Variants in CDH19 observed in about 807,000 individuals in gnomAD.
CDH19 encodes cadherin-19.
CDH19 carries 67 observed loss-of-function variants against 64.2 expected under a neutral mutation model. That is an observed-to-expected ratio of 1.04 (90% CI 0.86 to 1.28). CDH19 has a LOEUF of 1.28. CDH19 is among the 50% of genes most tolerant of loss of function. The pLI, the probability that CDH19 is intolerant of heterozygous loss-of-function variation, is 0.00. For missense variants in CDH19, 1,030 were observed against 929.0 expected, an observed-to-expected ratio of 1.11 and a Z score of -1.41; for synonymous variants, 346 against 319.3, an observed-to-expected ratio of 1.08 and a Z score of -0.89.
intron 7 of CDH19, among the ~76,000 whole-genome samples, chr18:66,539,553 C>T (rs511412): frequency 6.6e-6 from 1 of 151,800 alleles, no homozygotes; most frequent in Non-Finnish European, 1.5e-5. Context: ...TTTTTAATCT[C>T]TCAATATGGT....
intron 1 of CDH19, among the ~76,000 whole-genome samples, chr18:66,579,472 C>T (rs780816897): frequency 1.3e-4 from 19 of 151,960 alleles, no homozygotes; most frequent in Admixed American, 1.3e-4. Flanking sequence ...ACTACAGATG[C>T]GAAATCTTGA....
chr18:66,541,039 C>T (rs1986867304), intron 7 of CDH19, among the ~76,000 whole-genome samples: 1 of 151,986 alleles, frequency 6.6e-6, no homozygotes, highest in Non-Finnish European at 1.5e-5. Flanking sequence ...TTCTGTGCCC[C>T]ATTTTTTAAA....
At chr18:66,516,568 T>C (rs1436427454) in intron 9 of CDH19, among the ~76,000 whole-genome samples, 1 of 152,058 alleles carries the variant, frequency 6.6e-6, no homozygotes, top group African/African-American at 2.4e-5. Flanking sequence ...TTTTCACCAT[T>C]TTCAAGAGGG....
chr18:66,511,248 G>A (rs1465280505), intron 10 of CDH19, among the ~76,000 whole-genome samples: 4 of 151,658 alleles, frequency 2.6e-5, no homozygotes, highest in African/African-American at 7.3e-5. Context: ...TGAAGTCTGA[G>A]TTAGATGAGA....
intron 1 of CDH19, among the ~76,000 whole-genome samples, chr18:66,602,533 A>G (rs1989062313): frequency 6.6e-6 from 1 of 151,958 alleles, no homozygotes; most frequent in African/African-American, 2.4e-5. Context: ...AAAAAATATA[A>G]GTAGAAGACA....
chr18:66,593,135 C>G (rs1446072700), intron 1 of CDH19, among the ~76,000 whole-genome samples: 1 of 151,716 alleles, frequency 6.6e-6, no homozygotes, highest in Non-Finnish European at 1.5e-5. Context: ...TTTTGATTTG[C>G]ATTTCCCTGA....
chr18:66,524,610 G>A (rs1252483100), intron 9 of CDH19, among the ~76,000 whole-genome samples: 1 of 141,326 alleles, frequency 7.1e-6, no homozygotes, highest in Non-Finnish European at 1.5e-5. Context: ...ATCTGTATTT[G>A]TTAATTAAAA....
chr18:66,518,234 T>C (rs1161941506), intron 9 of CDH19, among the ~76,000 whole-genome samples: 1 of 152,054 alleles, frequency 6.6e-6, no homozygotes, highest in African/African-American at 2.4e-5. Context: ...TCATTACTTA[T>C]TTATTTATTT....
intron 3 of CDH19, among the ~76,000 whole-genome samples, chr18:66,568,213 GAT>G (rs1987977394): frequency 6.6e-6 from 1 of 151,698 alleles, no homozygotes; most frequent in Non-Finnish European, 1.5e-5. Context: ...TGAAGGCTGA[GAT>G]ATTTTAATAA....
chr18:66,541,860 T>G (rs1233571474), intron 7 of CDH19, among the ~76,000 whole-genome samples: 2 of 152,108 alleles, frequency 1.3e-5, no homozygotes, highest in African/African-American at 4.8e-5. Flanking sequence ...ATACAAAACC[T>G]CTTAATATTT....
chr18:66,544,690 T>C (rs1377902114), intron 6 of CDH19, 29 bp downstream of exon 6: 13 of 1,513,962 alleles, frequency 8.6e-6, no homozygotes, highest in Non-Finnish European at 1.2e-5. Context: ...TGCGCTATTC[T>C]GCAAGGCAAA....
At chr18:66,599,456 T>A (rs1988987218) in intron 1 of CDH19, among the ~76,000 whole-genome samples, 1 of 152,080 alleles carries the variant, frequency 6.6e-6, no homozygotes, top group African/African-American at 2.4e-5. Context: ...AGGAGTATGT[T>A]TCACGTTTCA....
In CDH19 at chr18:66,505,255, G is replaced by T. The variant is rs1413928670; in HGVS notation, c.1876C>A (p.Leu626Ile). The T allele has an allele frequency of 2.5e-6, 4 of 1,593,220 alleles. No homozygotes were observed. Among genetic ancestry groups the T allele is most frequent in the African/African-American group, 1.4e-5 (1 of 73,426 alleles). ...AAATCTTCACTTTTCTCAGGAAATA[G>T]AATCTGTTTTCTCCGTTGTTTTAAA... The part of the protein sequence containing the change: ...LGLKQRRKQI[L>I]FPEKSEDFRE... The change falls in exon 12 of 12, where the codon CTA becomes ATA. Residue 626 changes from leucine (L) to isoleucine (I), a missense_variant. Coordinates refer to ENST00000262150, the MANE Select transcript of CDH19 (RefSeq NM_021153.4).
intron 9 of CDH19, 96 bp from the exon 10 acceptor site, chr18:66,511,781 T>G (rs1985503034): frequency 1.4e-6 from 1 of 706,100 alleles, no homozygotes; most frequent in African/African-American, 1.8e-5. Context: ...ATTGCTTTAT[T>G]ACAATCAATA....
intron 2 of CDH19, among the ~76,000 whole-genome samples, chr18:66,570,058 T>C (rs1447527369): frequency 6.6e-6 from 1 of 151,630 alleles, no homozygotes; most frequent in African/African-American, 2.4e-5. Context: ...TTCTTAATTA[T>C]TCCTAAAAGA....
chr18:66,539,897 C>CGT (rs758208589), intron 7 of CDH19, among the ~76,000 whole-genome samples: 17 of 150,866 alleles, frequency 1.1e-4, no homozygotes, highest in Middle Eastern at 3.4e-3. Flanking sequence ...TAAATGTATA[C>CGT]GTGTGTGTGT....
intron 11 of CDH19, among the ~76,000 whole-genome samples, chr18:66,508,456 C>T (rs985906993): frequency 6.6e-5 from 10 of 151,180 alleles, no homozygotes; most frequent in African/African-American, 1.2e-4. Flanking sequence ...TGTTGTATAA[C>T]AATGTGTTGT....
At chr18:66,549,013 G>C (rs1987243532) in intron 5 of CDH19, among the ~76,000 whole-genome samples, 1 of 152,034 alleles carries the variant, frequency 6.6e-6, no homozygotes, top group Non-Finnish European at 1.5e-5. Context: ...AGAGGGTATA[G>C]GTATTGAGTA....
At chr18:66,591,816 C>A (rs1044144278) in intron 1 of CDH19, among the ~76,000 whole-genome samples, 1 of 151,776 alleles carries the variant, frequency 6.6e-6, no homozygotes, top group Non-Finnish European at 1.5e-5. Context: ...ACATTTTTTG[C>A]ACATTCTGGA....
Sources: gnomAD v4.1 joint callset for allele counts (sites outside exome capture counted in the v4.1 genomes callset) on GRCh38, gnomAD v4.1.1 for gene constraint, MANE v1.5 for transcripts, NCBI Gene and HGNC (gene_info 2026-07-23, HGNC 2026-07-21) for gene names.